The following STS variants were observed in gnomAD, a reference collection of about 807,000 sequenced individuals.
The protein encoded by STS is steroid sulfatase.
In STS, 7 loss-of-function variants were observed where a neutral mutation model predicts 26.8. That is an observed-to-expected ratio of 0.26 (90% CI 0.15 to 0.49). STS has a LOEUF of 0.49. Ranked by LOEUF, STS falls within the 20% of genes least tolerant of loss-of-function variation. STS has a pLI of 0.98. For missense variants in STS, 434 were observed against 465.6 expected (o/e 0.93, Z 0.63); for synonymous variants, 199 against 189.4 (o/e 1.05, Z -0.42).
At chrX:7,208,681 C>G (rs1920968852) in intron 2 of STS, among the ~76,000 whole-genome samples, 1 of 110,881 alleles carries the variant, frequency 9.0e-6, no homozygotes, top group African/African-American at 3.3e-5. Context: ...TATATTTTTC[C>G]TTTCCTTTCT....
At chrX:7,163,157 G>T (rs1933284632) in intron 1 of STS, among the ~76,000 whole-genome samples, 1 of 110,996 alleles carries the variant, frequency 9.0e-6, no homozygotes, top group Admixed American at 9.6e-5. Context: ...ACTCTCTGGT[G>T]GTGGCTGTCC....
At chrX:7,262,625 G>C (rs1302537807) in intron 6 of STS, among the ~76,000 whole-genome samples, 2 of 112,111 alleles carry the variant, frequency 1.8e-5, no homozygotes, top group East Asian at 5.6e-4. Context: ...GCAGTGCTTG[G>C]GTGAACCTGG....
chrX:7,203,347 T>TTA (rs1555948861), intron 2 of STS, among the ~76,000 whole-genome samples: 1 of 110,888 alleles, frequency 9.0e-6, no homozygotes, highest in Non-Finnish European at 1.9e-5. Context: ...CAAATTTCTC[T>TTA]AAAAAAAGGA....
chrX:7,283,855 G>T (rs1273616936), intron 7 of STS, among the ~76,000 whole-genome samples: 10 of 111,186 alleles, frequency 9.0e-5, no homozygotes, highest in Non-Finnish European at 1.9e-4. Context: ...GAAGGCTGGG[G>T]CAGAGTGGAA....
intron 2 of STS, among the ~76,000 whole-genome samples, chrX:7,224,542 C>T (rs1442705372): frequency 9.0e-6 from 1 of 111,351 alleles, no homozygotes; most frequent in African/African-American, 3.3e-5. Flanking sequence ...ATAAAAGAGA[C>T]CCCAGAGAGC....
chrX:7,153,596 T>C (rs1933069869), intron 1 of STS, among the ~76,000 whole-genome samples: 1 of 96,099 alleles, frequency 1.0e-5, no homozygotes, highest in Non-Finnish European at 2.1e-5. Context: ...CACTCTCTGC[T>C]TCCTTCTCTT....
rs562745533 is a variant in STS, at chrX:7,208,065, G to A, written c.-5+17057G>A. On this transcript the variant is annotated intron_variant, in intron 2 of 10. Coordinates refer to ENST00000674429, the MANE Select transcript of STS (RefSeq NM_001320752.2). Reference sequence around the variant, plus strand: ...ACTGAAATGCTCATTTATCTATTACGGTAAAATCCAACATTTGCTTCACAT... The same window carrying A: ...ACTGAAATGCTCATTTATCTATTACAGTAAAATCCAACATTTGCTTCACAT... Among the ~76,000 whole-genome samples, 12 of 111,963 alleles carry A rather than the reference G, an allele frequency of 1.1e-4. No individual in the cohort carries two copies. In the South Asian group the frequency reaches 1.5e-3, roughly 14 times the overall value.
At chrX:7,277,625 G>A (rs765223676) in intron 7 of STS, among the ~76,000 whole-genome samples, 14 of 111,311 alleles carry the variant, frequency 1.3e-4, no homozygotes, top group Non-Finnish European at 2.6e-4. Flanking sequence ...CAAATTAGGC[G>A]AGTTCTGAGG....
In STS at chrX:7,219,808, G is replaced by C. The variant is rs1021578420; in HGVS notation, c.-5+28800G>C. The C allele has an allele frequency of 4.5e-5, 39 of 860,817 alleles. No individual in the cohort carries two copies. The African/African-American group carries it at 7.2e-4, about 16-fold the overall frequency. 70.9% of individuals were successfully genotyped at this position (860,817 alleles called of 1,213,427 possible). A position where few individuals can be genotyped will look rare whatever the true frequency, so the allele number is the denominator to read the frequency against. On this transcript the variant is annotated intron_variant, in intron 2 of 10. Transcript: ENST00000674429. ...TCCCAACATGTGTTGTCTTGTTCTT[G>C]TTTCTTAAATCTGTTTTTGCTTGGT...
chrX:7,175,102 C>T (rs1182366649), intron 1 of STS, among the ~76,000 whole-genome samples: 2 of 103,981 alleles, frequency 1.9e-5, no homozygotes, highest in African/African-American at 3.6e-5. Context: ...GTTCATATCA[C>T]GGTGATGGTG....
In STS at chrX:7,275,994, G is replaced by A. The variant is rs1336711178; in HGVS notation, c.850G>A (p.Val284Met). 1.1e-5 allele frequency: 13 copies of A among 1,185,612 alleles called. No individual in the cohort carries two copies. The highest frequency in any genetic ancestry group is 1.4e-5 in the Non-Finnish European group (12 of 885,985). The change falls in exon 7 of 11, where the codon GTG (valine) becomes ATG (methionine). Residue 284 changes from valine to methionine, a missense_variant. Physicochemically the swap from Val to Met is conservative, Grantham distance 21. Around this residue, in one of 2 missense-constraint regions of STS, gnomAD observed 229 missense variants for 288.3 expected, o/e 0.79. Coordinates refer to ENST00000674429, the MANE Select transcript of STS (RefSeq NM_001320752.2). Reference protein sequence around the residue: ...PFLLVLSYLHVHTALFSSKDF... With the variant: ...PFLLVLSYLHMHTALFSSKDF... ...CCTGCTTGTCTTGTCCTACCTCCAC[G>A]TGCACACAGCCCTGTTCTCCAGCAA...
At position 7,166,947 on chromosome X, in the gene STS, C is replaced by G. The variant is rs557920333; in HGVS notation, c.-134+18864C>G. On this transcript the variant is annotated intron_variant, in intron 1 of 10. Transcript: ENST00000674429. ...CTGGTTAAGTTGTATAGTGTTGGTACTATTTTATGTATATTTGGGATTAGA... is the reference window on the plus strand; with the variant it reads ...CTGGTTAAGTTGTATAGTGTTGGTAGTATTTTATGTATATTTGGGATTAGA... Among the ~76,000 whole-genome samples the G allele has an allele frequency of 2.7e-5, 3 of 112,007 alleles. No homozygotes were observed. In the South Asian group the frequency reaches 1.1e-3, roughly 42 times the overall value.
At chrX:7,313,368 A>T (rs921304603) in intron 8 of STS, among the ~76,000 whole-genome samples, 4 of 112,461 alleles carry the variant, frequency 3.6e-5, no homozygotes, top group African/African-American at 1.3e-4. Flanking sequence ...TGCTTCTTAC[A>T]GTCACTGATT....
intron 6 of STS, among the ~76,000 whole-genome samples, chrX:7,274,707 GA>G (rs1924447258): frequency 8.9e-6 from 1 of 112,020 alleles, no homozygotes; most frequent in Non-Finnish European, 1.9e-5. Flanking sequence ...CAATTCAAAT[GA>G]AGGAGGTTTA....
Position 7,148,066 on chromosome X carries a change from G to A in STS, c.-151G>A. 8.8e-7 allele frequency: 1 copy of A among 1,138,589 alleles called. No individual in the cohort carries two copies. The highest frequency in any genetic ancestry group is 1.2e-6 in the Non-Finnish European group (1 of 857,458). 93.8% of individuals were successfully genotyped at this position (1,138,589 alleles called of 1,213,427 possible). On this transcript the variant is annotated 5_prime_UTR_variant, in exon 1 of 11. Coordinates refer to ENST00000674429, the MANE Select transcript of STS (RefSeq NM_001320752.2). The stretch of plus-strand genomic sequence containing the variant: ...CACACTACCCACCCAGAAGAAGTCC[G>A]TCCATGTCAAAGATGAGGTGGGTGA...
chrX:7,214,536 G>T lies in STS; in HGVS notation c.-5+23528G>T, dbSNP rs1428031330. Among the ~76,000 whole-genome samples, 6 of 111,722 alleles carry T rather than the reference G, an allele frequency of 5.4e-5. No homozygotes were observed. In the Admixed American group the frequency reaches 5.7e-4, roughly 11 times the overall value. Reference sequence around the variant, plus strand: ...ACACATTACACATAATGAGAACAAGGTATTTTTATTTATGCTTTTATTTCA... The same window carrying T: ...ACACATTACACATAATGAGAACAAGTTATTTTTATTTATGCTTTTATTTCA... On this transcript the variant is annotated intron_variant, in intron 2 of 10. Coordinates refer to ENST00000674429, the MANE Select transcript of STS (RefSeq NM_001320752.2).
At chrX:7,228,775 T>C (rs375107028) in intron 2 of STS, among the ~76,000 whole-genome samples, 76 of 112,494 alleles carry the variant, frequency 6.8e-4, no homozygotes, top group African/African-American at 2.4e-3. Context: ...CCTATTCACA[T>C]TCTTAAAAGT....
intron 2 of STS, among the ~76,000 whole-genome samples, chrX:7,236,657 CTTAT>C (rs141688265): frequency 0.36 from 39,230 of 110,167 alleles, 5,225 homozygotes; most frequent in East Asian, 0.39. Context: ...TTAAAGCTAA[CTTAT>C]TTATTAAAGG....
intron 2 of STS, among the ~76,000 whole-genome samples, chrX:7,238,989 A>G (rs1922462115): frequency 1.8e-5 from 2 of 111,485 alleles, no homozygotes; most frequent in Admixed American, 9.5e-5. Context: ...TTTTTTAAAC[A>G]TAATTTTTAA....
Sources: gnomAD v4.1 joint callset for allele counts (sites outside exome capture counted in the v4.1 genomes callset) on GRCh38, gnomAD v4.1.1 for gene constraint, gnomAD v4.1.1 regional missense constraint, MANE v1.5 for transcripts, NCBI Gene and HGNC (gene_info 2026-07-23, HGNC 2026-07-21) for gene names.